The following KCNMA1 variants were observed in gnomAD, a reference collection of about 807,000 sequenced individuals.
KCNMA1 encodes the protein potassium calcium-activated channel subfamily M alpha 1, also known as Calcium-activated potassium channel subunit alpha-1.
KCNMA1 carries 29 observed loss-of-function variants against 140.0 expected under a neutral mutation model. The ratio of observed to expected loss-of-function variants is 0.21; its 90% CI spans 0.15 to 0.28. KCNMA1 has a LOEUF of 0.28. Ranked by LOEUF, KCNMA1 falls within the 10% of genes least tolerant of loss-of-function variation. The pLI is 1.00. For synonymous variants in KCNMA1, 612 were observed against 611.9 expected, an observed-to-expected ratio of 1.00 and a Z score of 0.00; for missense variants, 880 against 1,602.2, an observed-to-expected ratio of 0.55 and a Z score of 7.70.
At chr10:76,870,132 G>A (rs112744124) in exon 28 of KCNMA1, 7,244 of 152,900 alleles carry the variant, frequency 0.047, 241 homozygotes, top group Non-Finnish European at 0.075. Flanking sequence ...TGAGCGGAAG[G>A]AAGGGGAGGA....
At chr10:76,979,168 A>C (rs141616025) in intron 19 of KCNMA1, among the ~76,000 whole-genome samples, 1 of 152,298 alleles carries the variant, frequency 6.6e-6, no homozygotes, top group East Asian at 1.9e-4. Context: ...ATTTCTTTTG[A>C]TCACTTCATG....
intron 2 of KCNMA1, among the ~76,000 whole-genome samples, chr10:77,269,446 G>T (rs1254804666): frequency 6.6e-6 from 1 of 152,180 alleles, no homozygotes; most frequent in Non-Finnish European, 1.5e-5. Flanking sequence ...AGCACTTTGA[G>T]AAAGTTCATT....
At chr10:77,263,499 C>G (rs1209883513) in intron 2 of KCNMA1, among the ~76,000 whole-genome samples, 3 of 152,114 alleles carry the variant, frequency 2.0e-5, no homozygotes, top group Admixed American at 2.0e-4. Flanking sequence ...AAGACTAAAC[C>G]TCAAGGTCAA....
chr10:77,530,146 G>A (rs944435512), intron 1 of KCNMA1, among the ~76,000 whole-genome samples: 27 of 152,326 alleles, frequency 1.8e-4, no homozygotes, highest in African/African-American at 6.3e-4. Context: ...CAGAGACACA[G>A]GCAATGCTAA....
chr10:77,394,252 T>C (rs571519194), intron 2 of KCNMA1, among the ~76,000 whole-genome samples: 10 of 152,254 alleles, frequency 6.6e-5, no homozygotes, highest in Admixed American at 5.9e-4. Flanking sequence ...CAACTGAGGG[T>C]TGATTTCTGA....
chr10:76,982,399 C>T (rs1424585559), intron 19 of KCNMA1, among the ~76,000 whole-genome samples: 3 of 151,702 alleles, frequency 2.0e-5, no homozygotes, highest in Non-Finnish European at 2.9e-5. Context: ...AGAGAGGTCC[C>T]GTATATCCCC....
intron 1 of KCNMA1, among the ~76,000 whole-genome samples, chr10:77,450,145 T>A (rs2154519538): frequency 6.6e-6 from 1 of 152,146 alleles, no homozygotes; most frequent in African/African-American, 2.4e-5. Context: ...AACCTTTGTC[T>A]CCCAGGTTCA....
At chr10:76,986,896 C>A (rs957682548) in intron 19 of KCNMA1, among the ~76,000 whole-genome samples, 6 of 152,128 alleles carry the variant, frequency 3.9e-5, no homozygotes, top group African/African-American at 4.8e-5. Context: ...AACAACGGAA[C>A]AAATGTGTTA....
chr10:77,337,398 G>A lies in KCNMA1; in HGVS notation c.540+66464C>T, dbSNP rs185465455. ...CCAATGCCAAGGCTAAGGCAGGCGGGTCATTTGAGGTCGAGTTCCAGACCT... is the reference window on the plus strand; with the variant it reads ...CCAATGCCAAGGCTAAGGCAGGCGGATCATTTGAGGTCGAGTTCCAGACCT... On this transcript the variant is annotated intron_variant, in intron 2 of 27. Transcript: ENST00000286628. Among the ~76,000 whole-genome samples, 131 of 152,306 alleles carry A rather than the reference G, an allele frequency of 8.6e-4. 2 individuals carry two copies. The highest frequency in any genetic ancestry group is 8.2e-4 in the Non-Finnish European group (56 of 68,020).
chr10:77,013,717 C>T (rs1467757266), intron 17 of KCNMA1, among the ~76,000 whole-genome samples: 1 of 152,128 alleles, frequency 6.6e-6, no homozygotes, highest in Non-Finnish European at 1.5e-5. Flanking sequence ...ATATTTGATC[C>T]TCAAACAACC....
chr10:77,248,873 C>T (rs561206751), intron 3 of KCNMA1, among the ~76,000 whole-genome samples: 2 of 152,238 alleles, frequency 1.3e-5, no homozygotes, highest in East Asian at 3.9e-4. Flanking sequence ...GCCGTCTTTC[C>T]CAAGGAAGAT....
intron 1 of KCNMA1, among the ~76,000 whole-genome samples, chr10:77,413,488 C>T (rs538517637): frequency 6.6e-6 from 1 of 152,240 alleles, no homozygotes; most frequent in East Asian, 1.9e-4. Context: ...GCAGATTACC[C>T]AAAGCAGCTC....
At chr10:77,591,977 C>CACTAATG (rs3073771) in intron 1 of KCNMA1, among the ~76,000 whole-genome samples, 11,775 of 152,158 alleles carry the variant, frequency 0.077, 787 homozygotes, top group African/African-American at 0.19. Flanking sequence ...TCAGATGCTC[C>CACTAATG]ACTAATGCCT....
At chr10:77,548,375 C>T (rs1352389803) in intron 1 of KCNMA1, among the ~76,000 whole-genome samples, 1 of 152,218 alleles carries the variant, frequency 6.6e-6, no homozygotes, top group Non-Finnish European at 1.5e-5. Flanking sequence ...GGCATGTGGT[C>T]AGATGTTCCA....
At chr10:77,533,037 A>G (rs1603633585) in intron 1 of KCNMA1, among the ~76,000 whole-genome samples, 1 of 152,352 alleles carries the variant, frequency 6.6e-6, no homozygotes, top group East Asian at 1.9e-4. Flanking sequence ...CTGCAATAGT[A>G]GAAGCTCTAC....
At chr10:77,591,687 T>C (rs185223318) in intron 1 of KCNMA1, among the ~76,000 whole-genome samples, 124 of 152,328 alleles carry the variant, frequency 8.1e-4, no homozygotes, top group African/African-American at 2.7e-3. Flanking sequence ...GTGTTTTACA[T>C]GCAATCCCTG....
At chr10:77,037,144 G>C (rs369405035) in intron 15 of KCNMA1, among the ~76,000 whole-genome samples, 142 of 152,294 alleles carry the variant, frequency 9.3e-4, no homozygotes, top group African/African-American at 3.3e-3. Flanking sequence ...AGAGCCACTA[G>C]TGCCAGCTCT....
At chr10:77,209,223 C>T (rs1166764835) in intron 3 of KCNMA1, among the ~76,000 whole-genome samples, 1 of 152,086 alleles carries the variant, frequency 6.6e-6, no homozygotes, top group Non-Finnish European at 1.5e-5. Context: ...ACAGAGAAAA[C>T]CTGTTCTCCA....
intron 23 of KCNMA1, chr10:76,929,878 T>C (rs924133436): frequency 6.6e-6 from 1 of 151,438 alleles, no homozygotes; most frequent in Non-Finnish European, 1.5e-5. Context: ...GAACACACAA[T>C]AGGTAAAGGA....
Sources: allele counts gnomAD v4.1 joint callset (sites outside exome capture counted in the v4.1 genomes callset), GRCh38; gene constraint gnomAD v4.1.1; transcripts MANE v1.5; gene names NCBI Gene and HGNC (gene_info 2026-07-23, HGNC 2026-07-21).